Variants in MRC1 observed in about 807,000 individuals in gnomAD.
MRC1 encodes mannose receptor C-type 1, also known as macrophage mannose receptor 1.
Under a neutral mutation model 102.9 loss-of-function variants are expected in MRC1, and 62 were observed. That is an observed-to-expected ratio of 0.60 (90% CI 0.49 to 0.74). The LOEUF is 0.74. Ranked by LOEUF, MRC1 falls within the 30% of genes least tolerant of loss-of-function variation. MRC1 has a pLI of 0.00. For synonymous variants in MRC1, 457 were observed against 298.4 expected (o/e 1.53, Z -5.48); for missense variants, 1,237 against 862.8 (o/e 1.43, Z -5.43).
intron 9 of MRC1, among the ~76,000 whole-genome samples, chr10:17,860,208 C>G (rs1268304357): frequency 6.6e-6 from 1 of 151,880 alleles, no homozygotes; most frequent in Non-Finnish European, 1.5e-5. Context: ...GGAGTTTTCC[C>G]CCTTCTTCTT....
intron 1 of MRC1, among the ~76,000 whole-genome samples, chr10:17,819,842 G>C (rs1838369220): frequency 1.3e-5 from 2 of 152,178 alleles, no homozygotes; most frequent in South Asian, 4.1e-4. Context: ...CTACTCGGGA[G>C]GCTGAAGTGG....
chr10:17,859,815 T>G (rs1589182028), intron 9 of MRC1, among the ~76,000 whole-genome samples: 1 of 152,204 alleles, frequency 6.6e-6, no homozygotes, highest in East Asian at 1.9e-4. Flanking sequence ...TCCCATACAA[T>G]GTGGATAGCA....
chr10:17,875,074 CT>C lies in MRC1; in HGVS notation c.2387-15del. 1.3e-6 allele frequency: 1 copy of C among 780,766 alleles called. No individual in the cohort carries two copies. The highest frequency in any genetic ancestry group is 2.4e-6 in the Non-Finnish European group (1 of 417,908). 48.4% of individuals were successfully genotyped at this position (780,766 alleles called of 1,614,324 possible). A position where few individuals can be genotyped will look rare whatever the true frequency, so the allele number is the denominator to read the frequency against. On this transcript the variant is annotated splice_polypyrimidine_tract_variant and intron_variant, in intron 16 of 29. Transcript: ENST00000569591. ...GTCTGCATAAAACTCATTGCCTTTT[CT>C]CATTAACTTTTCAGATCCACCAGTT... is the stretch of plus-strand genomic sequence containing the variant.
intron 4 of MRC1, among the ~76,000 whole-genome samples, 155 bp from the exon 5 acceptor site, chr10:17,840,538 G>A (rs1440849863): frequency 6.6e-6 from 1 of 152,162 alleles, no homozygotes; most frequent in Non-Finnish European, 1.5e-5. Flanking sequence ...ACTTGCCTTA[G>A]GTTGTCAGGA....
intron 17 of MRC1, among the ~76,000 whole-genome samples, chr10:17,876,065 A>AT (rs1341663994): frequency 1.3e-5 from 2 of 152,190 alleles, no homozygotes; most frequent in African/African-American, 4.8e-5. Context: ...AGGATGGAAC[A>AT]GTGACATGTG....
rs1279259906 is a variant in MRC1 at position 17,906,876 on chromosome 10, C to T, written c.3800-10C>T. ...TGCAGCTATCATATTTATCCTTTTACGCTTTCTAGGTTCCTCTCTGGTTTC... is the reference window on the plus strand; with the variant it reads ...TGCAGCTATCATATTTATCCTTTTATGCTTTCTAGGTTCCTCTCTGGTTTC... On this transcript the variant is annotated splice_polypyrimidine_tract_variant and intron_variant, in intron 26 of 29. Transcript: ENST00000569591. The T allele has an allele frequency of 4.6e-5, 36 of 781,126 alleles. No individual in the cohort carries two copies. Among genetic ancestry groups the T allele is most frequent in the Middle Eastern group, 2.3e-4 (1 of 4,432 alleles). The allele number at this position is 781,126 out of a possible 1,614,324, so 48.4% of individuals were successfully genotyped here.
intron 1 of MRC1, 80 bp from the exon 2 acceptor site, chr10:17,822,994 A>G (rs1317642396): frequency 4.0e-6 from 3 of 753,418 alleles, no homozygotes; most frequent in Non-Finnish European, 7.4e-6. Flanking sequence ...CTTTTGACCT[A>G]AAAGATCGTC....
At chr10:17,859,529 G>A (rs1833147008) in intron 9 of MRC1, among the ~76,000 whole-genome samples, 3 of 152,128 alleles carry the variant, frequency 2.0e-5, no homozygotes, top group Admixed American at 2.0e-4. Context: ...CGTTGGTCAA[G>A]GTGGTCTTGA....
chr10:17,826,795 T>A (rs1838482562), intron 2 of MRC1, among the ~76,000 whole-genome samples: 1 of 152,174 alleles, frequency 6.6e-6, no homozygotes, highest in African/African-American at 2.4e-5. Context: ...CTGTTGGCCT[T>A]AACTTGTTGA....
chr10:17,909,489 C>T (rs1355465846), intron 29 of MRC1, 142 bp downstream of exon 29: 1 of 660,818 alleles, frequency 1.5e-6, no homozygotes, highest in East Asian at 2.6e-5. Context: ...TGTCATCAGC[C>T]TACTTTGAAT....
At chr10:17,894,927 C>A (rs1261898905) in intron 23 of MRC1, among the ~76,000 whole-genome samples, 1 of 152,144 alleles carries the variant, frequency 6.6e-6, no homozygotes, top group African/African-American at 2.4e-5. Context: ...AATCCCAGCA[C>A]TTTTGAAGAC....
chr10:17,898,702 G>A (rs1833788465), intron 24 of MRC1, among the ~76,000 whole-genome samples: 1 of 152,148 alleles, frequency 6.6e-6, no homozygotes, highest in Non-Finnish European at 1.5e-5. Context: ...TGAGGTTGTG[G>A]AGCTCCCATC....
intron 26 of MRC1, among the ~76,000 whole-genome samples, chr10:17,903,677 T>C (rs1039146882): frequency 2.1e-4 from 32 of 152,270 alleles, no homozygotes; most frequent in African/African-American, 6.5e-4. Flanking sequence ...ATTACTGGTG[T>C]GAGCCACTGC....
chr10:17,910,624 T>C lies in MRC1; in HGVS notation c.*159T>C, dbSNP rs1053130629. 2 of 693,524 alleles carry C rather than the reference T, an allele frequency of 2.9e-6. No individual in the cohort carries two copies. 43.0% of individuals were successfully genotyped at this position (693,524 alleles called of 1,614,324 possible). On this transcript the variant is annotated 3_prime_UTR_variant, in exon 30 of 30. Transcript: ENST00000569591. ...ATTGAAGAAATAATTGCTTGTTTTCTAGCCTGGCAAGATATTTTCATAAAA... is the reference window on the plus strand; with the variant it reads ...ATTGAAGAAATAATTGCTTGTTTTCCAGCCTGGCAAGATATTTTCATAAAA...
intron 1 of MRC1, among the ~76,000 whole-genome samples, chr10:17,812,785 C>G (rs950004175): frequency 6.6e-6 from 1 of 151,928 alleles, no homozygotes; most frequent in African/African-American, 2.4e-5. Context: ...GTTGGCCAGG[C>G]TGGTCTTGAA....
intron 22 of MRC1, among the ~76,000 whole-genome samples, chr10:17,886,038 C>T (rs1043768380): frequency 2.0e-3 from 300 of 152,148 alleles, no homozygotes; most frequent in African/African-American, 6.1e-3. Context: ...TTTGTTTTTA[C>T]CTTAAAAGTG....
At chr10:17,906,149 G>A (rs1833891844) in intron 26 of MRC1, among the ~76,000 whole-genome samples, 1 of 152,010 alleles carries the variant, frequency 6.6e-6, no homozygotes, top group African/African-American at 2.4e-5. Context: ...CTTAGGTGAA[G>A]AATCTAACTG....
intron 8 of MRC1, 126 bp downstream of exon 8, chr10:17,853,250 TGAACCAAAATTCA>T: frequency 1.4e-6 from 1 of 705,734 alleles, no homozygotes; most frequent in Non-Finnish European, 2.6e-6. Context: ...GGATCAAAGG[TGAACCAAAATTCA>T]GATTTGATTT....
At position 17,823,125 on chromosome 10, in the gene MRC1, C is replaced by T; in HGVS notation, c.113C>T (p.Ala38Val). 1 of 780,872 alleles carries T rather than the reference C, an allele frequency of 1.3e-6. No homozygotes were observed. The highest frequency in any genetic ancestry group is 2.4e-6 in the Non-Finnish European group (1 of 417,952). 48.4% of individuals were successfully genotyped at this position (780,872 alleles called of 1,614,324 possible). A position where few individuals can be genotyped will look rare whatever the true frequency, so the allele number is the denominator to read the frequency against. The change falls in exon 2 of 30, where the codon GCA becomes GTA. Residue 38 changes from alanine to valine, a missense_variant. Coordinates refer to ENST00000569591, the MANE Select transcript of MRC1 (RefSeq NM_002438.4). ...GAAGATCACAAGCGCTGCGTGGATG[C>T]AGTGAGTCCCAGTGCCGTCCAAACC... ...YNEDHKRCVD[A>V]VSPSAVQTAA...
Sources: allele counts gnomAD v4.1 joint callset (sites outside exome capture counted in the v4.1 genomes callset), GRCh38; gene constraint gnomAD v4.1.1; transcripts MANE v1.5; gene names NCBI Gene and HGNC (gene_info 2026-07-23, HGNC 2026-07-21).